Variants in PTPRD observed in about 807,000 individuals in gnomAD.
PTPRD encodes receptor-type tyrosine-protein phosphatase delta.
PTPRD carries 34 observed loss-of-function variants against 214.5 expected under a neutral mutation model. The observed-to-expected ratio is 0.16, with a 90% confidence interval of 0.12 to 0.21. PTPRD has a LOEUF of 0.21. PTPRD is among the 10% of genes least tolerant of loss of function. PTPRD has a pLI of 1.00. For missense variants in PTPRD, 2,545 were observed against 2,398.7 expected (o/e 1.06, Z -1.27); for synonymous variants, 1,128 against 845.7 (o/e 1.33, Z -5.79).
chr9:8,843,572 G>A (rs2097614241), intron 11 of PTPRD, among the ~76,000 whole-genome samples: 1 of 152,132 alleles, frequency 6.6e-6, no homozygotes, highest in African/African-American at 2.4e-5. Context: ...TTCAAATGTA[G>A]CTAGCATGAA....
At chr9:9,867,685 T>C (rs747070160) in intron 5 of PTPRD, among the ~76,000 whole-genome samples, 22 of 152,142 alleles carry the variant, frequency 1.4e-4, no homozygotes, top group Non-Finnish European at 2.5e-4. Flanking sequence ...GAGAAAAGTA[T>C]CCGGAGTCCC....
At chr9:9,751,621 T>C (rs2098520550) in intron 6 of PTPRD, among the ~76,000 whole-genome samples, 1 of 152,082 alleles carries the variant, frequency 6.6e-6, no homozygotes, top group South Asian at 2.1e-4. Context: ...CTAGCGTCCT[T>C]TTAAAAAGAA....
chr9:10,517,233 G>C (rs189315179), intron 2 of PTPRD, among the ~76,000 whole-genome samples: 2 of 151,848 alleles, frequency 1.3e-5, no homozygotes, highest in Admixed American at 6.6e-5. Flanking sequence ...TGTGTGATTT[G>C]ATTTTTTTCA....
chr9:9,463,391 G>C (rs762246720), intron 8 of PTPRD, among the ~76,000 whole-genome samples: 1 of 152,024 alleles, frequency 6.6e-6, no homozygotes, highest in East Asian at 1.9e-4. Context: ...GGAGGGAGGG[G>C]CAGGAAGAGG....
intron 10 of PTPRD, among the ~76,000 whole-genome samples, chr9:9,144,047 G>T (rs2099864516): frequency 6.6e-6 from 1 of 152,146 alleles, no homozygotes; most frequent in Non-Finnish European, 1.5e-5. Flanking sequence ...TGATAACTTG[G>T]CAACACAGCC....
At chr9:8,945,518 C>A (rs1046830426) in intron 11 of PTPRD, among the ~76,000 whole-genome samples, 4 of 151,986 alleles carry the variant, frequency 2.6e-5, no homozygotes, top group African/African-American at 9.7e-5. Context: ...CTAGAATCCT[C>A]CTAAAGCATT....
intron 14 of PTPRD, among the ~76,000 whole-genome samples, chr9:8,631,307 A>G (rs1029689801): frequency 3.3e-5 from 5 of 151,674 alleles, no homozygotes; most frequent in Non-Finnish European, 7.4e-5. Flanking sequence ...CCCTTTTCAA[A>G]TATTTTAAAT....
Position 8,521,430 on chromosome 9 carries a change from T to C in PTPRD, c.808A>G (p.Met270Val), listed in dbSNP as rs534181824. 1.2e-6 allele frequency: 2 copies of C among 1,614,002 alleles called. No homozygotes were observed. Among genetic ancestry groups the C allele is most frequent in the South Asian group, 2.2e-5 (2 of 91,076 alleles). ...GGTGTCAGATCTTCTGCCCCCAACA[T>C]CCACTTTACATAAGGCATTGGTGAC... is the stretch of plus-strand genomic sequence containing the variant. ...VGSPMPYVKW[M>V]LGAEDLTPED... Residue 270 changes from methionine to valine, a missense_variant, in exon 20 of 46, where the codon ATG becomes GTG. Met to Val is a conservative substitution (Grantham distance 21). Coordinates refer to ENST00000381196, the MANE Select transcript of PTPRD (RefSeq NM_002839.4).
intron 3 of PTPRD, among the ~76,000 whole-genome samples, chr9:10,097,099 C>A (rs992673082): frequency 6.7e-6 from 1 of 149,670 alleles, no homozygotes; most frequent in African/African-American, 2.4e-5. Flanking sequence ...TGATCTATAT[C>A]TCTGTTTTGG....
At chr9:9,903,883 A>T (rs2076957429) in intron 5 of PTPRD, among the ~76,000 whole-genome samples, 1 of 152,142 alleles carries the variant, frequency 6.6e-6, no homozygotes, top group African/African-American at 2.4e-5. Flanking sequence ...TGACCATAAC[A>T]ATAAACTCGG....
intron 7 of PTPRD, among the ~76,000 whole-genome samples, chr9:9,612,958 T>C (rs540436544): frequency 6.6e-6 from 1 of 151,764 alleles, no homozygotes; most frequent in East Asian, 2.0e-4. Context: ...CACACTTCTG[T>C]AGACCGGTGG....
rs140533224 is a variant in PTPRD, at chr9:8,637,504, A to G, written c.65-660T>C. On this transcript the variant is annotated intron_variant, in intron 12 of 45. Transcript: ENST00000381196. Reference sequence around the variant, plus strand: ...AAAGCAAAGAATATTTTTTATACAAAGATGTAGACTTAAAGATTACTAAGG... The same window carrying G: ...AAAGCAAAGAATATTTTTTATACAAGGATGTAGACTTAAAGATTACTAAGG... Among the ~76,000 whole-genome samples the G allele has an allele frequency of 1.2e-3, 185 of 152,360 alleles. 2 individuals carry two copies. The highest frequency in any genetic ancestry group is 4.3e-3 in the African/African-American group (179 of 41,594).
rs1331485633 is a variant in PTPRD, at chr9:9,811,180, C to T, written c.-367-44329G>A. On this transcript the variant is annotated intron_variant, in intron 5 of 45. Transcript: ENST00000381196. The stretch of plus-strand genomic sequence containing the variant: ...GATTGTGACATAGTACCTCAGCCTG[C>T]GCAACAAGAATGAACTCTGTCTCAA... 5.3e-5 allele frequency among the ~76,000 whole-genome samples: 8 copies of T among 152,054 alleles called. No homozygotes were observed. In the East Asian group the frequency reaches 5.8e-4, roughly 11 times the overall value.
At chr9:9,220,562 C>T (rs1364159823) in intron 9 of PTPRD, among the ~76,000 whole-genome samples, 2 of 151,986 alleles carry the variant, frequency 1.3e-5, no homozygotes, top group African/African-American at 4.8e-5. Context: ...CAAGGGGATG[C>T]TCCATGATAT....
At chr9:10,306,212 A>T (rs2096062335) in intron 3 of PTPRD, among the ~76,000 whole-genome samples, 1 of 134,124 alleles carries the variant, frequency 7.5e-6, no homozygotes, top group Non-Finnish European at 1.6e-5. Context: ...CATAAGTGGG[A>T]GTTGAACAAT....
intron 5 of PTPRD, among the ~76,000 whole-genome samples, chr9:9,802,644 GT>G (rs1000985485): frequency 1.3e-4 from 20 of 148,434 alleles, no homozygotes; most frequent in African/African-American, 4.8e-4. Flanking sequence ...TGCTAGGAAC[GT>G]TTTTTTTTAA....
intron 9 of PTPRD, among the ~76,000 whole-genome samples, chr9:9,332,610 G>T (rs1034569889): frequency 6.6e-6 from 1 of 151,324 alleles, no homozygotes; most frequent in East Asian, 1.9e-4. Context: ...CTGAGCTTGG[G>T]AGTCTCTCCC....
intron 9 of PTPRD, among the ~76,000 whole-genome samples, chr9:9,371,620 T>A (rs1312866132): frequency 6.6e-6 from 1 of 152,226 alleles, no homozygotes; most frequent in African/African-American, 2.4e-5. Flanking sequence ...CCTTCAGTTC[T>A]GCTCTGATCT....
At chr9:9,379,661 A>G (rs1039865271) in intron 9 of PTPRD, among the ~76,000 whole-genome samples, 1 of 152,056 alleles carries the variant, frequency 6.6e-6, no homozygotes, top group African/African-American at 2.4e-5. Flanking sequence ...CTTCCTATCC[A>G]TGGACATGAA....
Sources: allele counts gnomAD v4.1 joint callset (sites outside exome capture counted in the v4.1 genomes callset), GRCh38; gene constraint gnomAD v4.1.1; transcripts MANE v1.5; gene names NCBI Gene and HGNC (gene_info 2026-07-23, HGNC 2026-07-21).